The following MYO5A variants were observed in gnomAD, a reference collection of about 807,000 sequenced individuals.
MYO5A encodes unconventional myosin-Va.
In MYO5A, 98 loss-of-function variants were observed where a neutral mutation model predicts 249.7. That is an observed-to-expected ratio of 0.39 (90% confidence interval 0.33 to 0.46). The LOEUF is 0.46. Among genes scored for constraint, MYO5A ranks in the 20% least tolerant of loss-of-function variants. The pLI, the probability that MYO5A is intolerant of heterozygous loss-of-function variation, is 0.98. For missense variants in MYO5A, 1,696 were observed against 2,308.8 expected, an observed-to-expected ratio of 0.73 and a Z score of 5.44; for synonymous variants, 778 against 810.6, an observed-to-expected ratio of 0.96 and a Z score of 0.68.
At chr15:52,523,146 C>T (rs530131292) in intron 1 of MYO5A, among the ~76,000 whole-genome samples, 2 of 152,298 alleles carry the variant, frequency 1.3e-5, no homozygotes, top group Admixed American at 1.3e-4. Context: ...TACTCCTGCT[C>T]CTTCCCATCC....
intron 1 of MYO5A, among the ~76,000 whole-genome samples, chr15:52,455,532 C>A (rs2076100258): frequency 1.3e-5 from 2 of 152,084 alleles, no homozygotes; most frequent in African/African-American, 4.8e-5. Context: ...GCTAATATCA[C>A]TGATGAATAC....
chr15:52,330,234 T>C (rs1243096890), intron 35 of MYO5A, 119 bp downstream of exon 35: 10 of 1,320,500 alleles, frequency 7.6e-6, no homozygotes, highest in Admixed American at 1.7e-5. Context: ...CTAGAATACA[T>C]GGTATCTGAT....
intron 31 of MYO5A, among the ~76,000 whole-genome samples, chr15:52,340,947 C>G (rs1452740329): frequency 7.6e-6 from 1 of 131,850 alleles, no homozygotes; most frequent in Non-Finnish European, 1.5e-5. Flanking sequence ...AGCAAAACTT[C>G]GTCTCAAAAA....
intron 27 of MYO5A, among the ~76,000 whole-genome samples, chr15:52,353,298 T>C (rs554305603): frequency 5.9e-5 from 9 of 152,320 alleles, no homozygotes; most frequent in African/African-American, 2.2e-4. Context: ...CCTACTCCTA[T>C]GTCTGGTCTG....
Position 52,319,324 on chromosome 15 carries a change from T to A in MYO5A, c.4970A>T (p.His1657Leu). 3 of 1,614,172 alleles carry A rather than the reference T, an allele frequency of 1.9e-6. No individual in the cohort carries two copies. The highest frequency in any genetic ancestry group is 1.3e-5 in the African/African-American group (1 of 75,048). The change falls in exon 39 of 42, where the codon CAT (histidine) becomes CTT (leucine). Residue 1657 changes from histidine (H) to leucine (L), a missense_variant. Physicochemically the swap from His to Leu is moderately conservative, Grantham distance 99. This residue lies in a region of MYO5A where 625 missense variants were observed against 908.1 expected (regional missense o/e 0.69). Transcript: ENST00000399233. Reference protein sequence around the residue: ...QPMIVSGMLEHETIQGVSGVK... With the variant: ...QPMIVSGMLELETIQGVSGVK... Reference sequence around the variant, plus strand: ...CCCAGACACGCCCTGAATCGTTTCATGTTCCAGCATGCCTGAGACTGCAGG... The same window carrying A: ...CCCAGACACGCCCTGAATCGTTTCAAGTTCCAGCATGCCTGAGACTGCAGG...
intron 1 of MYO5A, among the ~76,000 whole-genome samples, chr15:52,451,938 C>T (rs1022051081): frequency 1.3e-5 from 2 of 152,166 alleles, no homozygotes; most frequent in Non-Finnish European, 2.9e-5. Context: ...CACAGCCCAA[C>T]ATAGTGTCTG....
At chr15:52,526,551 G>A (rs929641018) in intron 1 of MYO5A, among the ~76,000 whole-genome samples, 1 of 152,006 alleles carries the variant, frequency 6.6e-6, no homozygotes, top group African/African-American at 2.4e-5. Flanking sequence ...AGTAGAGACG[G>A]GGTTTTGCCA....
rs750385472 is a variant in MYO5A at position 52,416,190 on chromosome 15, C to G, written c.567G>C (p.Glu189Asp). The G allele has an allele frequency of 1.9e-6, 3 of 1,614,074 alleles. No homozygotes were observed. In the South Asian group the frequency reaches 3.3e-5, roughly 18 times the overall value. The change falls in exon 5 of 42, where the codon GAG becomes GAC. Residue 189 changes from glutamate (E) to aspartate (D), a missense_variant. Glu to Asp is a conservative substitution (Grantham distance 45). Coordinates refer to ENST00000399233, the MANE Select transcript of MYO5A (RefSeq NM_001382347.1). ...CCAAGACCTTTTCCTCCACATTGGC[C>G]TCACTGGCAGAACCACTCACAGTTG... is the stretch of plus-strand genomic sequence containing the variant. ...YFATVSGSAS[E>D]ANVEEKVLAS...
At chr15:52,425,176 T>G (rs2075367525) in intron 4 of MYO5A, among the ~76,000 whole-genome samples, 2 of 152,236 alleles carry the variant, frequency 1.3e-5, no homozygotes, top group Non-Finnish European at 2.9e-5. Flanking sequence ...TTTTTAGTTC[T>G]AGTCTATTAC....
chr15:52,504,551 C>G (rs1470433631), intron 1 of MYO5A, among the ~76,000 whole-genome samples: 1 of 152,156 alleles, frequency 6.6e-6, no homozygotes, highest in Non-Finnish European at 1.5e-5. Flanking sequence ...TAACTTTATT[C>G]ACATTGAAGC....
At chr15:52,335,937 T>C (rs1449130391) in intron 34 of MYO5A, among the ~76,000 whole-genome samples, 2 of 152,118 alleles carry the variant, frequency 1.3e-5, no homozygotes, top group Admixed American at 6.5e-5. Flanking sequence ...AATATACTTA[T>C]TAGGTTGATG....
intron 1 of MYO5A, among the ~76,000 whole-genome samples, chr15:52,503,928 C>T (rs529948105): frequency 6.6e-6 from 1 of 152,240 alleles, no homozygotes; most frequent in Non-Finnish European, 1.5e-5. Context: ...ATCGACATTG[C>T]TTTACCATCA....
chr15:52,394,215 C>T (rs1011214498), intron 11 of MYO5A, among the ~76,000 whole-genome samples: 3 of 152,228 alleles, frequency 2.0e-5, no homozygotes, highest in African/African-American at 7.2e-5. Context: ...TGAGACCCCA[C>T]GTTCCTAGTC....
chr15:52,330,878 T>C (rs1320131328), intron 34 of MYO5A, among the ~76,000 whole-genome samples: 5 of 152,238 alleles, frequency 3.3e-5, no homozygotes, highest in Non-Finnish European at 1.5e-5. Context: ...TTGACTTTAA[T>C]TCACAGGAGG....
In MYO5A at chr15:52,351,432, T is replaced by C; in HGVS notation, c.3671A>G (p.Glu1224Gly). The C allele has an allele frequency of 6.2e-7, 1 of 1,614,234 alleles. No individual in the cohort carries two copies. The highest frequency in any genetic ancestry group is 8.5e-7 in the Non-Finnish European group (1 of 1,180,040). The change falls in exon 28 of 42, where the codon GAG becomes GGG. Residue 1224 changes from glutamate to glycine, a missense_variant. Physicochemically the swap from Glu to Gly is moderately conservative, Grantham distance 98 (BLOSUM62 -2). Around this residue, in one of 5 missense-constraint regions of MYO5A, gnomAD observed 625 missense variants for 908.1 expected, o/e 0.69. Transcript: ENST00000399233. ...ENKKLKNELNELRKALSEKSA... is the reference protein window; with the variant it reads ...ENKKLKNELNGLRKALSEKSA... Reference sequence around the variant, plus strand: ...TTTCTCACTGAGGGCCTTGCGCAACTCATTTAGCTCATTCTTCAGTTTTTT... The same window carrying C: ...TTTCTCACTGAGGGCCTTGCGCAACCCATTTAGCTCATTCTTCAGTTTTTT...
At chr15:52,400,045 A>G (rs2042679174) in intron 9 of MYO5A, among the ~76,000 whole-genome samples, 1 of 152,150 alleles carries the variant, frequency 6.6e-6, no homozygotes, top group African/African-American at 2.4e-5. Context: ...AACCAGTCTA[A>G]CAATCTAAAT....
intron 35 of MYO5A, 137 bp downstream of exon 35, chr15:52,330,216 C>G (rs2038824115): frequency 1.7e-6 from 2 of 1,177,940 alleles, no homozygotes; most frequent in South Asian, 2.5e-5. Context: ...CAGAACACTA[C>G]TGCAGCACTA....
At chr15:52,412,448 A>C (rs149528343) in intron 5 of MYO5A, among the ~76,000 whole-genome samples, 2 of 152,254 alleles carry the variant, frequency 1.3e-5, no homozygotes, top group Admixed American at 6.5e-5. Flanking sequence ...AGAAGCCCGA[A>C]GACCTATCAG....
At chr15:52,334,920 G>A (rs2039044968) in intron 34 of MYO5A, among the ~76,000 whole-genome samples, 1 of 152,236 alleles carries the variant, frequency 6.6e-6, no homozygotes, top group African/African-American at 2.4e-5. Context: ...TCTTGAGGAT[G>A]TGACATATGA....
Sources: gnomAD v4.1 joint callset for allele counts (sites outside exome capture counted in the v4.1 genomes callset) on GRCh38, gnomAD v4.1.1 for gene constraint, gnomAD v4.1.1 regional missense constraint, MANE v1.5 for transcripts, NCBI Gene and HGNC (gene_info 2026-07-23, HGNC 2026-07-21) for gene names.